DIP2A: variants seen among roughly 807,000 people sequenced by gnomAD.
DIP2A encodes the protein DIP2 acetate--CoA ligase A.
Under a neutral mutation model 177.4 loss-of-function variants are expected in DIP2A, and 85 were observed. The ratio of observed to expected loss-of-function variants is 0.48; its 90% CI spans 0.40 to 0.57. The LOEUF is 0.57. Among genes scored for constraint, DIP2A ranks in the 20% least tolerant of loss-of-function variants. The pLI is 0.00. For synonymous variants in DIP2A, 886 were observed against 881.8 expected, an observed-to-expected ratio of 1.00 and a Z score of -0.08; for missense variants, 1,791 against 2,100.2, an observed-to-expected ratio of 0.85 and a Z score of 2.88.
At chr21:46,524,904 T>TTTTTTTTTTTTTTTTTTTTTTTTC (rs2059004823) in intron 8 of DIP2A, among the ~76,000 whole-genome samples, 1 of 98,070 alleles carries the variant, frequency 1.0e-5, no homozygotes, top group African/African-American at 4.6e-5. Flanking sequence ...TTTTTTTTTT[T>TTTTTTTTTTTTTTTTTTTTTTTTC]GAGACAGAGT....
intron 1 of DIP2A, among the ~76,000 whole-genome samples, chr21:46,481,077 C>G (rs1179967436): frequency 6.6e-6 from 1 of 152,090 alleles, no homozygotes; most frequent in Non-Finnish European, 1.5e-5. Context: ...AATAAAAGAC[C>G]AAACAAGAAA....
rs532582268 is a variant in DIP2A, at chr21:46,498,266, A to G, written c.404-316A>G. On this transcript the variant is annotated intron_variant, in intron 4 of 37. Transcript: ENST00000417564. This position sits in a 1 kb window ranked among gnomAD's most constrained non-coding sequence, Gnocchi z 4.3. ...GTGCAGCACTGAATATTCACAGAAC[A>G]CCCCCACTGAGGTATATGCTGAAGC... Among the ~76,000 whole-genome samples the G allele has an allele frequency of 3.3e-5, 5 of 152,008 alleles. No individual in the cohort carries two copies. The highest frequency in any genetic ancestry group is 7.4e-5 in the Non-Finnish European group (5 of 67,992).
intron 20 of DIP2A, chr21:46,546,175 G>A: frequency 7.4e-7 from 1 of 1,344,026 alleles, no homozygotes; most frequent in Non-Finnish European, 9.6e-7. Flanking sequence ...ACAGGCCTGA[G>A]TCGGGGGTCC....
downstream of DIP2A, among the ~76,000 whole-genome samples, chr21:46,570,268 G>A (rs753475729): frequency 5.3e-5 from 8 of 152,166 alleles, no homozygotes; most frequent in Non-Finnish European, 1.0e-4. Context: ...CAGGATGACA[G>A]CATGGAAAAG....
In DIP2A at chr21:46,532,188, T is replaced by A. The variant is rs1263805384; in HGVS notation, c.1256T>A (p.Leu419His). Residue 419 changes from leucine to histidine, a missense_variant, in exon 10 of 38, where the codon CTC becomes CAC. Leu to His is a moderately conservative substitution (Grantham distance 99, BLOSUM62 -3). Transcript: ENST00000417564. ...VMFMVAFYGCLLAELVPVPIE... is the reference protein window; with the variant it reads ...VMFMVAFYGCHLAELVPVPIE... ...TTCATGGTTGCATTTTATGGGTGTC[T>A]CCTGGCAGAGCTGGTTCCTGTCCCC... 1 of 1,614,000 alleles carries A rather than the reference T, an allele frequency of 6.2e-7. No individual in the cohort carries two copies.
At chr21:46,547,987 T>C (rs2060124728) in intron 21 of DIP2A, among the ~76,000 whole-genome samples, 1 of 152,138 alleles carries the variant, frequency 6.6e-6, no homozygotes, top group Non-Finnish European at 1.5e-5. Flanking sequence ...TGCCTTTTGT[T>C]ACTCAAACTA....
rs896980936 is a variant in DIP2A at position 46,514,160 on chromosome 21, C to T, written c.1102+2546C>T. 6.6e-5 allele frequency among the ~76,000 whole-genome samples: 10 copies of T among 151,908 alleles called. No individual in the cohort carries two copies. The South Asian group carries it at 8.3e-4, about 13-fold the overall frequency. ...TTTAAAATGATGACTTTGTGCTGGGCGCGGTGGCTCACACCTGTAATCCCA... is the reference window on the plus strand; with the variant it reads ...TTTAAAATGATGACTTTGTGCTGGGTGCGGTGGCTCACACCTGTAATCCCA... On this transcript the variant is annotated intron_variant, in intron 8 of 37. Coordinates refer to ENST00000417564, the MANE Select transcript of DIP2A (RefSeq NM_015151.4).
Position 46,563,982 on chromosome 21 carries a change from TCA to T in DIP2A, c.4164+52_4164+53del. ...CTTGAGCTCTCCAGCCTCACCAGCT[TCA>T]CCTTCCTTCCCTTTTTGCTTCAGAT... On this transcript the variant is annotated intron_variant, in intron 35 of 37. Transcript: ENST00000417564. The surrounding 1 kb of genome is among the most constrained non-coding windows in gnomAD (Gnocchi z 4.3). 1 of 1,568,518 alleles carries T rather than the reference TCA, an allele frequency of 6.4e-7. No individual in the cohort carries two copies. Among genetic ancestry groups the T allele is most frequent in the Non-Finnish European group, 8.6e-7 (1 of 1,156,656 alleles).
chr21:46,583,293 T>A, the DIP2A span, among the ~76,000 whole-genome samples: 19 of 152,324 alleles, frequency 1.2e-4, no homozygotes, highest in Admixed American at 7.8e-4. Flanking sequence ...TCTCACTTTC[T>A]ATAATGAATA....
intron 32 of DIP2A, 54 bp downstream of exon 32, chr21:46,558,447 C>T: frequency 3.3e-6 from 5 of 1,523,708 alleles, no homozygotes; most frequent in Non-Finnish European, 3.5e-6. Context: ...AGCATGGAGA[C>T]CCAGTTTCCC....
chr21:46,556,441 C>G lies in DIP2A; in HGVS notation c.3498+350C>G. 7.9e-7 allele frequency: 1 copy of G among 1,258,754 alleles called. No homozygotes were observed. The highest frequency in any genetic ancestry group is 1.1e-6 in the Non-Finnish European group (1 of 946,444). 78.0% of individuals were successfully genotyped at this position (1,258,754 alleles called of 1,614,324 possible). A position where few individuals can be genotyped will look rare whatever the true frequency, so the allele number is the denominator to read the frequency against. ...GCTCACGCCTGTAATCCCAGCACTT[C>G]GGGAGGCCGAGGCGGGTGGATCACA... On this transcript the variant is annotated intron_variant, in intron 29 of 37. Transcript: ENST00000417564. This position sits in a 1 kb window ranked among gnomAD's most constrained non-coding sequence, Gnocchi z 4.5.
chr21:46,471,612 A>C (rs2839270), intron 1 of DIP2A, among the ~76,000 whole-genome samples: 50,111 of 152,120 alleles, frequency 0.33, 8,837 homozygotes, highest in Admixed American at 0.39. Context: ...ACTGCTTAGC[A>C]AAGAAAACTA....
At position 46,541,680 on chromosome 21, in the gene DIP2A, T is replaced by C. The variant is rs2059823557; in HGVS notation, c.2037-76T>C. The C allele has an allele frequency of 3.2e-6, 5 of 1,570,314 alleles. No individual in the cohort carries two copies. The South Asian group carries it at 5.6e-5, about 18-fold the overall frequency. On this transcript the variant is annotated intron_variant, in intron 17 of 37. Coordinates refer to ENST00000417564, the MANE Select transcript of DIP2A (RefSeq NM_015151.4). ...CAGTGGCTTTGGTGCAGAATCATGC[T>C]GCAGGCAAGGTGGGCCCACCTCCCT...
In DIP2A at chr21:46,560,744, C is replaced by T; in HGVS notation, c.3992C>T (p.Thr1331Ile). Residue 1331 changes from threonine (T) to isoleucine (I), a missense_variant, in exon 33 of 38, where the codon ACA becomes ATA. Thr to Ile is a moderately conservative substitution (Grantham distance 89, BLOSUM62 -1). Transcript: ENST00000417564. ...CAGGGCACAGCTGGCCCGGACCCCA[C>T]AACCGTCTACGTGGACATGCGGGCA... ...CLQGTAGPDP[T>I]TVYVDMRALR... is the part of the protein sequence containing the mutation. The T allele has an allele frequency of 6.2e-7, 1 of 1,609,494 alleles. No individual in the cohort carries two copies. The highest frequency in any genetic ancestry group is 8.5e-7 in the Non-Finnish European group (1 of 1,178,116).
chr21:46,537,599 C>T lies in DIP2A; in HGVS notation c.1801+60C>T. The T allele has an allele frequency of 6.6e-7, 1 of 1,503,788 alleles. No homozygotes were observed. The highest frequency in any genetic ancestry group is 9.2e-7 in the Non-Finnish European group (1 of 1,090,578). The allele number at this position is 1,503,788 out of a possible 1,614,324, so 93.2% of individuals were successfully genotyped here. ...TTTAGGGAAATCTCTTTGAACTGAC[C>T]TTTGGTGCTTAAGAAAAAATAAAGC... On this transcript the variant is annotated intron_variant, in intron 15 of 37. Transcript: ENST00000417564. This position sits in a 1 kb window ranked among gnomAD's most constrained non-coding sequence, Gnocchi z 4.1.
In DIP2A at chr21:46,556,059, G is replaced by C; in HGVS notation, c.3466G>C (p.Val1156Leu). 2 of 1,613,918 alleles carry C rather than the reference G, an allele frequency of 1.2e-6. No individual in the cohort carries two copies. Among genetic ancestry groups the C allele is most frequent in the Non-Finnish European group, 1.7e-6 (2 of 1,179,848 alleles). The change falls in exon 29 of 38, where the codon GTG becomes CTG. Residue 1156 changes from valine (V) to leucine (L), a missense_variant. Physicochemically the swap from Val to Leu is conservative, Grantham distance 32. Transcript: ENST00000417564. This position sits in a 1 kb window ranked among gnomAD's most constrained non-coding sequence, Gnocchi z 4.5. ...TGTCCTCGCATACTTGGACTTCAGC[G>C]TGTCAACCACTGGGATATTAGCGGG... ...PDVLAYLDFS[V>L]STTGILAGVK...
chr21:46,567,327 CTGTGCCTGTATCCA>C, intron 37 of DIP2A, 29 bp from the exon 38 acceptor site: 4 of 1,581,536 alleles, frequency 2.5e-6, no homozygotes, highest in Non-Finnish European at 3.4e-6. Context: ...CCCCTGTGAC[CTGTGCCTGTATCCA>C]TGTGACCCAG....
chr21:46,546,991 T>C lies in DIP2A; in HGVS notation c.2471T>C (p.Val824Ala), dbSNP rs1166885355. The C allele has an allele frequency of 1.2e-6, 2 of 1,613,924 alleles. No homozygotes were observed. Among genetic ancestry groups the C allele is most frequent in the Non-Finnish European group, 8.5e-7 (1 of 1,179,836 alleles). ...GTTCGCAGACACAATGCAGATGACG[T>C]TGTGGCCACCGCACTGGCCGTGGAG... is the stretch of plus-strand genomic sequence containing the variant. ...TGVRRHNADD[V>A]VATALAVEPM... is the part of the protein sequence containing the mutation. The change falls in exon 21 of 38, where the codon GTT (valine) becomes GCT (alanine). Residue 824 changes from valine (V) to alanine (A), a missense_variant. Coordinates refer to ENST00000417564, the MANE Select transcript of DIP2A (RefSeq NM_015151.4).
chr21:46,527,420 G>C (rs926067350), intron 8 of DIP2A, among the ~76,000 whole-genome samples: 1 of 141,438 alleles, frequency 7.1e-6, no homozygotes. Flanking sequence ...CTGCCTCCTG[G>C]GTTCAAGCAG....
Sources: allele counts gnomAD v4.1 joint callset (sites outside exome capture counted in the v4.1 genomes callset), GRCh38; gene constraint gnomAD v4.1.1; non-coding constraint Gnocchi (gnomAD v3.1); transcripts MANE v1.5; gene names NCBI Gene and HGNC (gene_info 2026-07-23, HGNC 2026-07-21).